KIF13B: variants seen among roughly 807,000 people sequenced by gnomAD.
KIF13B encodes kinesin-like protein KIF13B.
A neutral mutation model predicts 222.0 loss-of-function variants in KIF13B; 127 were observed. The ratio of observed to expected loss-of-function variants is 0.57; its 90% confidence interval spans 0.50 to 0.66. The LOEUF (loss-of-function observed/expected upper bound fraction) is 0.66. KIF13B is among the 30% of genes least tolerant of loss of function. The probability of loss-of-function intolerance (pLI) is 0.00; values close to 1 mark genes in which losing one functional copy is unlikely to be tolerated. For synonymous variants in KIF13B, 976 were observed against 919.0 expected, an observed-to-expected ratio of 1.06 and a Z score of -1.12; for missense variants, 2,173 against 2,379.0, an observed-to-expected ratio of 0.91 and a Z score of 1.80.
intron 14 of KIF13B, 78 bp downstream of exon 14, chr8:29,155,648 A>G (rs1811486613): frequency 7.6e-7 from 1 of 1,312,596 alleles, no homozygotes; most frequent in Non-Finnish European, 1.1e-6. Flanking sequence ...TAAAAGCAAC[A>G]AAGGCCACTG....
chr8:29,173,942 CA>C (rs72309757), intron 10 of KIF13B, among the ~76,000 whole-genome samples: 5,475 of 126,702 alleles, frequency 0.043, 310 homozygotes, highest in African/African-American at 0.15. Flanking sequence ...GGCTCCGTCT[CA>C]AAAAAAAAAA....
At chr8:29,165,235 C>G (rs1811943281) in intron 12 of KIF13B, among the ~76,000 whole-genome samples, 1 of 152,166 alleles carries the variant, frequency 6.6e-6, no homozygotes, top group Non-Finnish European at 1.5e-5. Context: ...CTTACTTTCA[C>G]TGGGTTTTCA....
At chr8:29,159,012 C>T (rs1270405767) in intron 13 of KIF13B, among the ~76,000 whole-genome samples, 1 of 152,184 alleles carries the variant, frequency 6.6e-6, no homozygotes, top group African/African-American at 2.4e-5. Context: ...ATATTTAGGT[C>T]CTATTCTAAC....
intron 6 of KIF13B, among the ~76,000 whole-genome samples, chr8:29,183,685 C>A (rs535387959): frequency 6.6e-5 from 10 of 152,286 alleles, no homozygotes; most frequent in South Asian, 6.2e-4. Flanking sequence ...CAGTTCCTAG[C>A]ACAAGTCCTG....
Position 29,130,670 on chromosome 8 carries a change from GA to G in KIF13B, c.2943-6del, listed in dbSNP as rs1221147532. 6.2e-7 allele frequency: 1 copy of G among 1,613,632 alleles called. No homozygotes were observed. The highest frequency in any genetic ancestry group is 1.1e-5 in the South Asian group (1 of 91,076). ...TTCCTGGTCACTTCACTCCATCTAG[GA>G]AATAAGCGAAGTTCTTGGAAAATCA... On this transcript the variant is annotated splice_region_variant and splice_polypyrimidine_tract_variant and intron_variant, in intron 23 of 39. Coordinates refer to ENST00000524189, the MANE Select transcript of KIF13B (RefSeq NM_015254.4).
At chr8:29,197,644 CG>C (rs1490817696) in intron 2 of KIF13B, among the ~76,000 whole-genome samples, 1 of 152,106 alleles carries the variant, frequency 6.6e-6, no homozygotes, top group African/African-American at 2.4e-5. Context: ...CATGGGTTCA[CG>C]GTTTCTGTTT....
intron 6 of KIF13B, 38 bp from the exon 7 acceptor site, chr8:29,182,044 A>G (rs1240740957): frequency 3.3e-6 from 5 of 1,527,192 alleles, no homozygotes; most frequent in Non-Finnish European, 4.5e-6. Context: ...TTTTAACAAT[A>G]GCCTATTTTT....
At chr8:29,140,433 C>A in intron 20 of KIF13B, 35 bp downstream of exon 20, 1 of 1,597,070 alleles carries the variant, frequency 6.3e-7, no homozygotes, top group Admixed American at 1.7e-5. Flanking sequence ...TTAAACTATT[C>A]TCTACAGGAA....
chr8:29,131,350 G>T (rs114010585), intron 23 of KIF13B, among the ~76,000 whole-genome samples: 4,520 of 149,892 alleles, frequency 0.03, 234 homozygotes, highest in African/African-American at 0.11. Flanking sequence ...AAAAAAAAAA[G>T]GAAAAAAAAA....
intron 14 of KIF13B, among the ~76,000 whole-genome samples, chr8:29,151,780 G>A (rs1811306926): frequency 6.6e-6 from 1 of 151,968 alleles, no homozygotes; most frequent in African/African-American, 2.4e-5. Context: ...GGATATGAAT[G>A]TTGTTTTCAT....
At chr8:29,145,005 T>A (rs1324680999) in intron 18 of KIF13B, among the ~76,000 whole-genome samples, 1 of 152,140 alleles carries the variant, frequency 6.6e-6, no homozygotes, top group Non-Finnish European at 1.5e-5. Flanking sequence ...GGTTTCTGCT[T>A]TTTTCAACTT....
chr8:29,132,574 T>C (rs1027809519), intron 22 of KIF13B, 109 bp from the exon 23 acceptor site: 18 of 677,402 alleles, frequency 2.7e-5, no homozygotes, highest in African/African-American at 3.8e-5. Context: ...AAATAGAAAA[T>C]GGAATGTTTT....
chr8:29,122,735 T>C (rs778377549), intron 28 of KIF13B, 89 bp from the exon 29 acceptor site: 1 of 1,026,794 alleles, frequency 9.7e-7, no homozygotes, highest in South Asian at 1.4e-5. Context: ...CATTCAGGGC[T>C]GTTACAGGGC....
intron 2 of KIF13B, among the ~76,000 whole-genome samples, chr8:29,234,333 C>T (rs1815414436): frequency 6.6e-6 from 1 of 151,818 alleles, no homozygotes; most frequent in Non-Finnish European, 1.5e-5. Context: ...TATTACTCGA[C>T]CTTAAAAAGG....
intron 10 of KIF13B, among the ~76,000 whole-genome samples, chr8:29,173,825 T>A (rs1049829937): frequency 6.6e-6 from 1 of 150,834 alleles, no homozygotes; most frequent in African/African-American, 2.4e-5. Context: ...GCACCTGTAA[T>A]CCCAGCTACT....
chr8:29,101,609 C>T (rs146577576), intron 35 of KIF13B, among the ~76,000 whole-genome samples: 156 of 152,302 alleles, frequency 1.0e-3, no homozygotes, highest in African/African-American at 3.7e-3. Flanking sequence ...AGTGAGAACA[C>T]TGAAAGATAC....
In KIF13B at chr8:29,092,844, A is replaced by G. The variant is rs1808364515; in HGVS notation, c.4359T>C (p.Pro1453=). The G allele has an allele frequency of 1.2e-6, 2 of 1,612,290 alleles. No individual in the cohort carries two copies. The highest frequency in any genetic ancestry group is 1.7e-6 in the Non-Finnish European group (2 of 1,179,218). Residue 1453 remains proline, a synonymous_variant, in exon 37 of 40, where the codon CCT becomes CCC. Coordinates refer to ENST00000524189, the MANE Select transcript of KIF13B (RefSeq NM_015254.4). ...LSNLAASYLN[P]VKSFVPQMPK... ...GCATTTGCGGCACGAAGGATTTGAC[A>G]GGATTCAAGTAGGATGCTGCAAGGT...
intron 1 of KIF13B, among the ~76,000 whole-genome samples, chr8:29,252,322 C>T (rs901584581): frequency 9.2e-5 from 14 of 152,236 alleles, no homozygotes; most frequent in African/African-American, 2.9e-4. Context: ...TAGTAAAACA[C>T]GGGCAGGGCC....
intron 2 of KIF13B, among the ~76,000 whole-genome samples, chr8:29,214,164 G>A (rs1315392358): frequency 1.3e-5 from 2 of 152,130 alleles, no homozygotes; most frequent in Admixed American, 6.5e-5. Context: ...TTAACACTGT[G>A]CACTTAGGCT....
Sources: allele counts gnomAD v4.1 joint callset (sites outside exome capture counted in the v4.1 genomes callset), GRCh38; gene constraint gnomAD v4.1.1; transcripts MANE v1.5; gene names NCBI Gene and HGNC (gene_info 2026-07-23, HGNC 2026-07-21).